PPM1G: variants seen among roughly 807,000 people sequenced by gnomAD.
PPM1G encodes protein phosphatase 1G.
A neutral mutation model predicts 59.4 loss-of-function variants in PPM1G; 12 were observed. The ratio of observed to expected loss-of-function variants is 0.20; its 90% CI spans 0.13 to 0.33. The LOEUF is 0.33. Ranked by LOEUF, PPM1G falls within the 10% of genes least tolerant of loss-of-function variation. PPM1G has a pLI of 1.00. For missense variants in PPM1G, 392 were observed against 681.3 expected (o/e 0.58, Z 4.73); for synonymous variants, 245 against 251.9 (o/e 0.97, Z 0.26).
chr2:27,392,896 T>C, intron 1 of PPM1G: 3 of 1,430,526 alleles, frequency 2.1e-6, no homozygotes, highest in Non-Finnish European at 2.9e-6. Context: ...ACCCAATTCT[T>C]TGATGGCCTT....
In PPM1G at chr2:27,387,603, C is replaced by T. The variant is rs140391935; in HGVS notation, c.121-445G>A. ...GCAACCTCCGCCTCGTGGGTTCAAG[C>T]GATTCTCCTGCCTCCGCCTGCTGAA... On this transcript the variant is annotated intron_variant, in intron 1 of 9. Coordinates refer to ENST00000344034, the MANE Select transcript of PPM1G (RefSeq NM_177983.3). Among the ~76,000 whole-genome samples, 397 of 152,028 alleles carry T rather than the reference C, an allele frequency of 2.6e-3. 11 individuals carry two copies. The East Asian group carries it at 0.054, about 21-fold the overall frequency.
intron 1 of PPM1G, among the ~76,000 whole-genome samples, chr2:27,408,534 T>G (rs1046368026): frequency 6.6e-6 from 1 of 152,130 alleles, no homozygotes; most frequent in Non-Finnish European, 1.5e-5. Context: ...AGGTAGGTTG[T>G]GATGAAAAAA....
chr2:27,384,863 G>C lies in PPM1G; in HGVS notation c.635C>G (p.Thr212Arg). The change falls in exon 5 of 10, where the codon ACA becomes AGA. Residue 212 changes from threonine (T) to arginine (R), a missense_variant. Around this residue, in one of 6 missense-constraint regions of PPM1G, gnomAD observed 188 missense variants for 248.8 expected, o/e 0.76. Coordinates refer to ENST00000344034, the MANE Select transcript of PPM1G (RefSeq NM_177983.3). This position sits in a 1 kb window ranked among gnomAD's most constrained non-coding sequence, Gnocchi z 4.8. Reference protein sequence around the residue: ...QENGPTAKAYTGFSSNSERGT... With the variant: ...QENGPTAKAYRGFSSNSERGT... ...ACGTTCCGAGTTGGAGGAAAAGCCT[G>C]TGTAGGCCTTGGCTGTGGGGCCATT... 6.2e-7 allele frequency: 1 copy of C among 1,614,246 alleles called. No individual in the cohort carries two copies. Among genetic ancestry groups the C allele is most frequent in the Non-Finnish European group, 8.5e-7 (1 of 1,180,040 alleles).
Position 27,385,805 on chromosome 2 carries a change from A to C in PPM1G, c.351T>G (p.Ile117Met). 2 of 1,614,140 alleles carry C rather than the reference A, an allele frequency of 1.2e-6. No homozygotes were observed. The highest frequency in any genetic ancestry group is 4.5e-5 in the East Asian group (2 of 44,886). ...CTTCATCCTCAGTGGGTCGCCCTGC[A>C]ATCTGTGCCAGCTCTTTAATGACTT... ...TEEVIKELAQ[I>M]AGRPTEDEDE... Residue 117 changes from isoleucine (I) to methionine (M), a missense_variant, in exon 4 of 10, where the codon ATT becomes ATG. Physicochemically the swap from Ile to Met is conservative, Grantham distance 10. This residue lies in a region of PPM1G where 188 missense variants were observed against 248.8 expected (regional missense o/e 0.76). Coordinates refer to ENST00000344034, the MANE Select transcript of PPM1G (RefSeq NM_177983.3). This position sits in a 1 kb window ranked among gnomAD's most constrained non-coding sequence, Gnocchi z 4.1.
chr2:27,390,031 TTTC>T (rs1474107924), intron 1 of PPM1G, among the ~76,000 whole-genome samples: 1 of 113,348 alleles, frequency 8.8e-6, no homozygotes, highest in African/African-American at 4.7e-5. Context: ...AGCATCTTGT[TTTC>T]TTTTTTTTTT....
In PPM1G at chr2:27,386,266, G is replaced by A; in HGVS notation, c.204C>T (p.Ala68=). Residue 68 remains alanine, a synonymous_variant, in exon 3 of 10, where the codon GCC becomes GCT. Coordinates refer to ENST00000344034, the MANE Select transcript of PPM1G (RefSeq NM_177983.3). ...VYDGHGGEEV[A]LYCAKYLPDI... Reference sequence around the variant, plus strand: ...CAGGAAGATATTTGGCACAGTACAAGGCAACTTCCTCCCCTAGAAGGAAAG... The same window carrying A: ...CAGGAAGATATTTGGCACAGTACAAAGCAACTTCCTCCCCTAGAAGGAAAG... The A allele has an allele frequency of 6.2e-7, 1 of 1,613,156 alleles. No homozygotes were observed.
At chr2:27,389,616 C>T (rs540366627) in intron 1 of PPM1G, among the ~76,000 whole-genome samples, 90 of 152,242 alleles carry the variant, frequency 5.9e-4, no homozygotes, top group Non-Finnish European at 1.1e-3. Flanking sequence ...CCTTGTATAA[C>T]CCCACCAACT....
At position 27,396,810 on chromosome 2, in the gene PPM1G, C is replaced by T. The variant is rs151074042; in HGVS notation, c.121-9652G>A. ...CAGCATAGGTGACAGAGCAAGACTC[C>T]GTCTCCAACAAAAAAAAAAAAAGAA... On this transcript the variant is annotated intron_variant, in intron 1 of 9. Coordinates refer to ENST00000344034, the MANE Select transcript of PPM1G (RefSeq NM_177983.3). Among the ~76,000 whole-genome samples the T allele has an allele frequency of 3.2e-3, 209 of 66,254 alleles. 1 individual carries two copies. The highest frequency in any genetic ancestry group is 0.028 in the African/African-American group (196 of 6,880). 43.5% of individuals were successfully genotyped at this position (66,254 alleles called of 152,430 possible). A position where few individuals can be genotyped will look rare whatever the true frequency, so the allele number is the denominator to read the frequency against.
intron 1 of PPM1G, among the ~76,000 whole-genome samples, chr2:27,388,684 G>A (rs1683825404): frequency 6.6e-6 from 1 of 151,878 alleles, no homozygotes; most frequent in African/African-American, 2.4e-5. Flanking sequence ...GACCATCCTG[G>A]CTAACATGGT....
intron 2 of PPM1G, chr2:27,386,843 A>T (rs145135967): frequency 6.1e-6 from 2 of 327,234 alleles, no homozygotes; most frequent in East Asian, 5.5e-5. Flanking sequence ...CAGCCTAAAA[A>T]TTTTAAAAAA....
At chr2:27,403,094 C>T (rs888282178) in intron 1 of PPM1G, among the ~76,000 whole-genome samples, 1 of 152,012 alleles carries the variant, frequency 6.6e-6, no homozygotes, top group Admixed American at 6.6e-5. Context: ...TACTCCTTAC[C>T]ACTCAAGCAT....
rs904533517 is a variant in PPM1G, at chr2:27,400,833, C to G, written c.120+8470G>C. Among the ~76,000 whole-genome samples, 29 of 152,254 alleles carry G rather than the reference C, an allele frequency of 1.9e-4. No homozygotes were observed. In the East Asian group the frequency reaches 5.4e-3, roughly 28 times the overall value. On this transcript the variant is annotated intron_variant, in intron 1 of 9. Transcript: ENST00000344034. ...ACAGGCAACAGACTTGGTGATCTGC[C>G]TGAGCTCTGTCTATCTGAACAGAAG...
chr2:27,404,921 G>A (rs1268370892), intron 1 of PPM1G, among the ~76,000 whole-genome samples: 2 of 143,030 alleles, frequency 1.4e-5, no homozygotes, highest in African/African-American at 2.6e-5. Context: ...TCCAGCCTGG[G>A]CAACAGTGCA....
At chr2:27,399,181 C>CA (rs1289326512) in intron 1 of PPM1G, among the ~76,000 whole-genome samples, 3 of 136,582 alleles carry the variant, frequency 2.2e-5, no homozygotes, top group Non-Finnish European at 4.7e-5. Flanking sequence ...AAAAACAAAA[C>CA]AAAAAAAGAA....
At chr2:27,390,061 G>A (rs184519387) in intron 1 of PPM1G, among the ~76,000 whole-genome samples, 327 of 151,036 alleles carry the variant, frequency 2.2e-3, no homozygotes, top group Non-Finnish European at 3.5e-3. Context: ...GAGTCTCCCA[G>A]GCTGGAGTAG....
Position 27,382,555 on chromosome 2 carries a change from TCATCTGTTCCTCAGGTG to T in PPM1G, c.1235_1251del (p.Pro412HisfsTer6). The T allele has an allele frequency of 6.2e-7, 1 of 1,614,246 alleles. No individual in the cohort carries two copies. On this transcript the variant is annotated frameshift_variant, in exon 8 of 10. Coordinates refer to ENST00000344034, the MANE Select transcript of PPM1G (RefSeq NM_177983.3). LOFTEE classifies it high-confidence loss of function. This position sits in a 1 kb window ranked among gnomAD's most constrained non-coding sequence, Gnocchi z 4.2. ...ACCTTGATGTCAGGAAGGGCTGAAA[TCATCTGTTCCTCAGGTG>T]GCAGGTTCTTGTTTCTCTTATAGAA... is the stretch of plus-strand genomic sequence containing the variant.
intron 2 of PPM1G, 181 bp from the exon 3 acceptor site, chr2:27,386,460 A>T: frequency 2.1e-6 from 1 of 467,124 alleles, no homozygotes; most frequent in Non-Finnish European, 3.9e-6. Context: ...AATGGATTTC[A>T]CCATCAATTC....
intron 1 of PPM1G, among the ~76,000 whole-genome samples, chr2:27,389,807 A>T (rs1255025906): frequency 6.6e-6 from 1 of 152,068 alleles, no homozygotes; most frequent in Non-Finnish European, 1.5e-5. Flanking sequence ...CTACAAAAAA[A>T]TTTTAAAGTT....
chr2:27,392,755 C>CT lies in PPM1G; in HGVS notation c.121-5598dup. Reference sequence around the variant, plus strand: ...TGCCTTGGTGACAAGGTAAGTCACCCTATGGCTATGGGGAAATTAGCCTGA... The same window carrying CT: ...TGCCTTGGTGACAAGGTAAGTCACCCTTATGGCTATGGGGAAATTAGCCTGA... On this transcript the variant is annotated intron_variant, in intron 1 of 9. Transcript: ENST00000344034. The CT allele has an allele frequency of 2.2e-6, 3 of 1,341,836 alleles. No homozygotes were observed. In the South Asian group the frequency reaches 3.5e-5, roughly 16 times the overall value. 83.1% of individuals were successfully genotyped at this position (1,341,836 alleles called of 1,614,324 possible).
Sources: gnomAD v4.1 joint callset for allele counts (sites outside exome capture counted in the v4.1 genomes callset) on GRCh38, gnomAD v4.1.1 for gene constraint, gnomAD v4.1.1 regional missense constraint, Gnocchi (gnomAD v3.1) non-coding constraint, MANE v1.5 for transcripts, NCBI Gene and HGNC (gene_info 2026-07-23, HGNC 2026-07-21) for gene names.